Variants in KDM3A observed in about 807,000 individuals in gnomAD.
KDM3A encodes lysine demethylase 3A, also known as lysine-specific demethylase 3A.
KDM3A carries 60 observed loss-of-function variants against 158.0 expected under a neutral mutation model. The observed-to-expected ratio is 0.38, with a 90% CI of 0.31 to 0.47. The LOEUF (loss-of-function observed/expected upper bound fraction) is 0.47, where lower values mean the gene tolerates loss of function less well. KDM3A is among the 20% of genes least tolerant of loss of function. KDM3A has a pLI of 0.99. For synonymous variants in KDM3A, 608 were observed against 549.3 expected, an observed-to-expected ratio of 1.11 and a Z score of -1.49; for missense variants, 1,319 against 1,574.3, an observed-to-expected ratio of 0.84 and a Z score of 2.74.
Position 86,466,468 on chromosome 2 carries a change from G to A in KDM3A, c.1104G>A (p.Leu368=). Residue 368 remains leucine, a synonymous_variant, in exon 10 of 26, where the codon TTG becomes TTA. Coordinates refer to ENST00000312912, the MANE Select transcript of KDM3A (RefSeq NM_018433.6). The part of the protein sequence containing the change: ...RTKPDVCKAG[L]LSKSSQIGTG... ...AACCAGATGTCTGCAAAGCAGGGTT[G>A]CTCTCAAAGTCCTCTCAGATTGGAA... is the stretch of plus-strand genomic sequence containing the variant. The A allele has an allele frequency of 6.2e-7, 1 of 1,613,888 alleles. No individual in the cohort carries two copies. The highest frequency in any genetic ancestry group is 8.5e-7 in the Non-Finnish European group (1 of 1,179,826).
intron 2 of KDM3A, among the ~76,000 whole-genome samples, chr2:86,445,787 T>C (rs1390447638): frequency 6.6e-6 from 1 of 152,322 alleles, no homozygotes; most frequent in East Asian, 1.9e-4. Context: ...TTACCCCTTT[T>C]AATTGAATGC....
chr2:86,461,438 A>T lies in KDM3A; in HGVS notation c.844-2615A>T, dbSNP rs1018022529. 3.9e-5 allele frequency among the ~76,000 whole-genome samples: 6 copies of T among 152,338 alleles called. No homozygotes were observed. The South Asian group carries it at 1.2e-3, about 32-fold the overall frequency. On this transcript the variant is annotated intron_variant, in intron 8 of 25. Coordinates refer to ENST00000312912, the MANE Select transcript of KDM3A (RefSeq NM_018433.6). ...TGATTTATAGCTATTTAGAAATGTT[A>T]CATGCTAACAGCATTCACTCCTTGG...
upstream of KDM3A, chr2:86,440,982 G>A (rs907090733): frequency 6.6e-6 from 1 of 152,202 alleles, no homozygotes; most frequent in Non-Finnish European, 1.5e-5. Flanking sequence ...TATAGCTCAG[G>A]GTCTCGCCAT....
chr2:86,464,237 G>A (rs751250448), intron 9 of KDM3A, 21 bp downstream of exon 9: 1 of 1,480,296 alleles, frequency 6.8e-7, no homozygotes, highest in Admixed American at 2.1e-5. Flanking sequence ...ATTTGTTAAA[G>A]ATGTTTAATT....
At position 86,456,796 on chromosome 2, in the gene KDM3A, ATTT is replaced by A. The variant is rs1672719722; in HGVS notation, c.682-6_682-4del. 2 of 1,603,274 alleles carry A rather than the reference ATTT, an allele frequency of 1.2e-6. No individual in the cohort carries two copies. The highest frequency in any genetic ancestry group is 1.3e-5 in the African/African-American group (1 of 74,606). On this transcript the variant is annotated splice_polypyrimidine_tract_variant and splice_region_variant and intron_variant, in intron 6 of 25. Coordinates refer to ENST00000312912, the MANE Select transcript of KDM3A (RefSeq NM_018433.6). ...ATTTTCCGGTATCTTTGTTTCATTT[ATTT>A]TTAAGATTCCAGCACTGAAAATTGT...
chr2:86,456,905 C>T (rs1672728526), intron 7 of KDM3A, 28 bp downstream of exon 7: 1 of 1,575,946 alleles, frequency 6.3e-7, no homozygotes, highest in African/African-American at 1.3e-5. Flanking sequence ...AATCTTTCTT[C>T]TCCTTCCTCC....
chr2:86,490,784 T>C (rs1446556015), intron 23 of KDM3A, 97 bp from the exon 24 acceptor site: 1 of 837,972 alleles, frequency 1.2e-6, no homozygotes, highest in Non-Finnish European at 1.8e-6. Context: ...GAAGAAGGCC[T>C]GACATTTATG....
intron 2 of KDM3A, among the ~76,000 whole-genome samples, chr2:86,444,691 C>T (rs1682883946): frequency 6.6e-6 from 1 of 151,990 alleles, no homozygotes; most frequent in Non-Finnish European, 1.5e-5. Flanking sequence ...AGATGAATGT[C>T]AATAAATAAC....
At chr2:86,438,228 A>G (rs757021117), upstream of KDM3A, among the ~76,000 whole-genome samples, 127 of 152,158 alleles carry the variant, frequency 8.3e-4, 2 homozygotes, top group Non-Finnish European at 2.1e-4. Context: ...TGAGATAATC[A>G]TATGTATTTT....
At chr2:86,456,006 A>G (rs181380646) in intron 5 of KDM3A, among the ~76,000 whole-genome samples, 34 of 151,942 alleles carry the variant, frequency 2.2e-4, no homozygotes, top group African/African-American at 7.7e-4. Context: ...AAGCTCAGCT[A>G]TATTTTGATG....
At chr2:86,444,982 G>A (rs1255543065) in intron 2 of KDM3A, among the ~76,000 whole-genome samples, 2 of 152,130 alleles carry the variant, frequency 1.3e-5, no homozygotes, top group Non-Finnish European at 2.9e-5. Context: ...TCATTAAATG[G>A]ATATTATGTG....
At chr2:86,461,834 C>T (rs993245520) in intron 8 of KDM3A, among the ~76,000 whole-genome samples, 1 of 151,506 alleles carries the variant, frequency 6.6e-6, no homozygotes, top group African/African-American at 2.4e-5. Context: ...GCTTAGAACA[C>T]TAGGAGATGA....
At chr2:86,438,509 A>C (rs1177048498), upstream of KDM3A, among the ~76,000 whole-genome samples, 1 of 152,018 alleles carries the variant, frequency 6.6e-6, no homozygotes, top group East Asian at 1.9e-4. Context: ...CTCACCACAC[A>C]AAAAAAGATG....
chr2:86,472,441 G>A (rs1673462443), intron 11 of KDM3A, among the ~76,000 whole-genome samples: 1 of 152,000 alleles, frequency 6.6e-6, no homozygotes, highest in Non-Finnish European at 1.5e-5. Context: ...AATAAAATAG[G>A]AGTAGGGGTA....
At chr2:86,457,119 A>G (rs1021935197) in intron 8 of KDM3A, 48 bp downstream of exon 8, 1 of 708,338 alleles carries the variant, frequency 1.4e-6, no homozygotes, top group African/African-American at 1.9e-5. Flanking sequence ...TAACTCCAAC[A>G]TTGCATGGCT....
chr2:86,446,277 C>T (rs1250488656), intron 2 of KDM3A, among the ~76,000 whole-genome samples: 1 of 152,136 alleles, frequency 6.6e-6, no homozygotes, highest in Non-Finnish European at 1.5e-5. Context: ...CCTTTGAAGC[C>T]ACACAGTGTA....
At position 86,455,175 on chromosome 2, in the gene KDM3A, C is replaced by T; in HGVS notation, c.544C>T (p.His182Tyr). ...ALIVKHLDES[H>Y]LLKGDKNLVG... ...GATTGTGAAGCATTTAGATGAAAGC[C>T]ATCTTTTAAAAGGTATATGCATTAT... Residue 182 changes from histidine to tyrosine, a missense_variant, in exon 5 of 26, where the codon CAT becomes TAT. Around this residue, in one of 4 missense-constraint regions of KDM3A, gnomAD observed 652 missense variants for 627.2 expected, o/e 1.04. Coordinates refer to ENST00000312912, the MANE Select transcript of KDM3A (RefSeq NM_018433.6). The T allele has an allele frequency of 6.3e-7, 1 of 1,585,684 alleles. No individual in the cohort carries two copies. The highest frequency in any genetic ancestry group is 8.6e-7 in the Non-Finnish European group (1 of 1,158,250).
Position 86,474,940 on chromosome 2 carries a change from G to C in KDM3A, c.1889G>C (p.Cys630Ser). Residue 630 changes from cysteine to serine, a missense_variant, in exon 12 of 26, where the codon TGT (cysteine) becomes TCT (serine). Around this residue, in one of 4 missense-constraint regions of KDM3A, gnomAD observed 113 missense variants for 190.5 expected, o/e 0.59. Transcript: ENST00000312912. Reference sequence around the variant, plus strand: ...TTGGCCAACATTGGAGACCACTTCTGTCAAATGGTGATTTCTGAAAAGGAA... The same window carrying C: ...TTGGCCAACATTGGAGACCACTTCTCTCAAATGGTGATTTCTGAAAAGGAA... ...YILANIGDHFCQMVISEKEAM... is the reference protein window; with the variant it reads ...YILANIGDHFSQMVISEKEAM... 1 of 1,614,044 alleles carries C rather than the reference G, an allele frequency of 6.2e-7. No individual in the cohort carries two copies. The highest frequency in any genetic ancestry group is 8.5e-7 in the Non-Finnish European group (1 of 1,179,996).
intron 9 of KDM3A, among the ~76,000 whole-genome samples, chr2:86,465,749 A>T (rs1673111431): frequency 2.6e-5 from 4 of 152,002 alleles, no homozygotes; most frequent in Admixed American, 1.3e-4. Flanking sequence ...AATATCTTTG[A>T]AGGGATTTCT....
Sources: gnomAD v4.1 joint callset for allele counts (sites outside exome capture counted in the v4.1 genomes callset) on GRCh38, gnomAD v4.1.1 for gene constraint, gnomAD v4.1.1 regional missense constraint, MANE v1.5 for transcripts, NCBI Gene and HGNC (gene_info 2026-07-23, HGNC 2026-07-21) for gene names.